Variants in BPIFB3 observed in about 807,000 individuals in gnomAD.
BPIFB3 encodes the protein BPI fold containing family B member 3, also known as BPI fold-containing family B member 3.
Under a neutral mutation model 53.1 loss-of-function variants are expected in BPIFB3, and 49 were observed. The ratio of observed to expected loss-of-function variants is 0.92; its 90% CI spans 0.73 to 1.17. BPIFB3 has a LOEUF of 1.17. Among genes scored for constraint, BPIFB3 ranks in the 50% most tolerant of loss-of-function variants. The probability of loss-of-function intolerance (pLI) is 0.00; values close to 1 mark genes in which losing one functional copy is unlikely to be tolerated. For missense variants in BPIFB3, 628 were observed against 592.5 expected (o/e 1.06, Z -0.62); for synonymous variants, 271 against 269.6 (o/e 1.01, Z -0.05).
intron 6 of BPIFB3, 81 bp from the exon 8 acceptor site, chr20:33,064,376 C>A: frequency 8.8e-7 from 1 of 1,132,408 alleles, no homozygotes; most frequent in Non-Finnish European, 1.3e-6. Flanking sequence ...ATTCAGCAGA[C>A]ACTCAATAAA....
chr20:33,068,860 G>A (rs140130224), exon 10 of BPIFB3: 1 of 1,613,864 alleles, frequency 6.2e-7, no homozygotes, highest in African/African-American at 1.3e-5. Flanking sequence ...GGTGAGGGAA[G>A]CTCCCACGGT....
chr20:33,066,757 T>G, intron 8 of BPIFB3, 67 bp from the exon 10 acceptor site: 2 of 1,503,468 alleles, frequency 1.3e-6, no homozygotes, highest in Non-Finnish European at 1.9e-6. Context: ...GAAACTGCTC[T>G]GAGTGTGCTG....
In BPIFB3 at chr20:33,064,644, G is replaced by A. The variant is rs1347431237; in HGVS notation, c.745-22G>A. 3.1e-6 allele frequency: 5 copies of A among 1,612,992 alleles called. No homozygotes were observed. The Admixed American group carries it at 6.7e-5, about 22-fold the overall frequency. On this transcript the variant is annotated intron_variant, in intron 7 of 14. Transcript: ENST00000375494. ...GGTGAGCACCTTAAGACCCTCCTCG[G>A]CCCTGTTTCCTGCCCCTGCAGCCTA...
intron 4 of BPIFB3, 105 bp from the exon 6 acceptor site, chr20:33,061,663 G>A: frequency 8.9e-7 from 1 of 1,123,138 alleles, no homozygotes. Context: ...ACCCCCAAGA[G>A]AAGGGAGAGG....
At chr20:33,064,274 C>G (rs1355732282) in intron 6 of BPIFB3, among the ~76,000 whole-genome samples, 183 bp from the exon 8 acceptor site, 1 of 152,172 alleles carries the variant, frequency 6.6e-6, no homozygotes, top group Non-Finnish European at 1.5e-5. Context: ...TGGCCTTGGC[C>G]TGGTGACTTC....
intron 6 of BPIFB3, 62 bp from the exon 8 acceptor site, chr20:33,064,395 G>A (rs756049876): frequency 7.5e-7 from 1 of 1,333,800 alleles, no homozygotes; most frequent in Non-Finnish European, 1.1e-6. Context: ...AATGGAAATA[G>A]GGGCTATTAT....
chr20:33,061,992 G>A (rs572053007), intron 5 of BPIFB3, among the ~76,000 whole-genome samples, 161 bp downstream of exon 6: 3 of 152,078 alleles, frequency 2.0e-5, no homozygotes, highest in African/African-American at 4.8e-5. Context: ...CCTTCCTGGC[G>A]CGCCTGCTAG....
chr20:33,073,591 A>G, exon 15 of BPIFB3: 1 of 1,614,076 alleles, frequency 6.2e-7, no homozygotes, highest in Non-Finnish European at 8.5e-7. Flanking sequence ...TGTTGTGCTG[A>G]CCGTGGCATC....
intron 9 of BPIFB3, among the ~76,000 whole-genome samples, chr20:33,068,232 A>G (rs1271400258): frequency 6.6e-6 from 1 of 152,244 alleles, no homozygotes; most frequent in East Asian, 1.9e-4. Context: ...AAACAGAGAC[A>G]GTGTCAGAAG....
chr20:33,072,721 C>A (rs767572911), exon 14 of BPIFB3: 1 of 1,612,570 alleles, frequency 6.2e-7, no homozygotes. Context: ...TCACAGTGGC[C>A]CTGGATGTTG....
intron 9 of BPIFB3, 122 bp downstream of exon 10, chr20:33,066,999 T>G (rs1980696985): frequency 1.0e-6 from 1 of 1,003,664 alleles, no homozygotes; most frequent in African/African-American, 1.6e-5. Flanking sequence ...GAGTCCAAAT[T>G]CACACTAAAG....
At chr20:33,063,451 C>T (rs1980534703) in intron 5 of BPIFB3, among the ~76,000 whole-genome samples, 164 bp from the exon 7 acceptor site, 1 of 152,206 alleles carries the variant, frequency 6.6e-6, no homozygotes, top group Non-Finnish European at 1.5e-5. Context: ...AGCCCCCAGC[C>T]CCTTCCCTGC....
intron 12 of BPIFB3, among the ~76,000 whole-genome samples, chr20:33,071,694 G>A (rs927146387): frequency 2.0e-5 from 3 of 152,092 alleles, no homozygotes; most frequent in African/African-American, 7.2e-5. Context: ...ACAGAGTTCT[G>A]AGGTTCTGGA....
At chr20:33,066,929 A>C (rs762681428) in intron 9 of BPIFB3, 52 bp downstream of exon 10, 1 of 1,572,702 alleles carries the variant, frequency 6.4e-7, no homozygotes, top group East Asian at 2.2e-5. Flanking sequence ...CCTGATGACC[A>C]TGAATGGAGT....
chr20:33,066,161 C>T (rs951564242), intron 8 of BPIFB3, among the ~76,000 whole-genome samples: 2 of 151,944 alleles, frequency 1.3e-5, no homozygotes, highest in African/African-American at 4.8e-5. Context: ...GTGTCTCAAA[C>T]ATCAGGGCCC....
chr20:33,057,774 T>C (rs1600536246), intron 2 of BPIFB3, among the ~76,000 whole-genome samples: 1 of 152,038 alleles, frequency 6.6e-6, no homozygotes, highest in Non-Finnish European at 1.5e-5. Flanking sequence ...GTGGTCTCAA[T>C]GTTTTCCTAA....
intron 1 of BPIFB3, among the ~76,000 whole-genome samples, chr20:33,055,753 G>A (rs1304449480): frequency 6.6e-6 from 1 of 152,186 alleles, no homozygotes; most frequent in Non-Finnish European, 1.5e-5. Context: ...CTTACGGGAG[G>A]TGGACTGGGT....
chr20:33,061,602 G>A (rs1401418533), intron 4 of BPIFB3, among the ~76,000 whole-genome samples, 166 bp from the exon 6 acceptor site: 2 of 151,692 alleles, frequency 1.3e-5, no homozygotes, highest in African/African-American at 2.4e-5. Flanking sequence ...GGGTCCCCTC[G>A]GGAGGAGGAG....
At chr20:33,060,088 A>G in intron 4 of BPIFB3, 57 bp downstream of exon 5, 4 of 1,579,554 alleles carry the variant, frequency 2.5e-6, no homozygotes, top group Non-Finnish European at 3.4e-6. Context: ...TCTCGCACCC[A>G]TCTGGGCATC....
Sources: gnomAD v4.1 joint callset for allele counts (sites outside exome capture counted in the v4.1 genomes callset) on GRCh38, gnomAD v4.1.1 for gene constraint, MANE v1.5 for transcripts, NCBI Gene and HGNC (gene_info 2026-07-23, HGNC 2026-07-21) for gene names.